The following CASD1 variants were observed in gnomAD, a reference collection of about 807,000 sequenced individuals.
CASD1 encodes CAS1 domain sialic acid O acetyltransferase 1.
CASD1 carries 41 observed loss-of-function variants against 100.0 expected under a neutral mutation model. The observed-to-expected ratio is 0.41, with a 90% confidence interval of 0.32 to 0.53. CASD1 has a LOEUF of 0.53. Among genes scored for constraint, CASD1 ranks in the 20% least tolerant of loss-of-function variants. CASD1 has a pLI of 0.25. For missense variants in CASD1, 774 were observed against 948.7 expected, an observed-to-expected ratio of 0.82 and a Z score of 2.42; for synonymous variants, 321 against 315.6, an observed-to-expected ratio of 1.02 and a Z score of -0.18.
chr7:94,619,515 A>G, the CASD1 span: 2 of 152,316 alleles, frequency 1.3e-5, no homozygotes, highest in African/African-American at 2.4e-5. Flanking sequence ...ATCTTAAAAC[A>G]ACCCCATGTC....
chr7:94,537,590 C>T lies in CASD1; in HGVS notation c.962C>T (p.Thr321Ile), dbSNP rs1163815408. 1 of 1,613,788 alleles carries T rather than the reference C, an allele frequency of 6.2e-7. No individual in the cohort carries two copies. Among genetic ancestry groups the T allele is most frequent in the South Asian group, 1.1e-5 (1 of 91,068 alleles). The change falls in exon 9 of 18, where the codon ACT (threonine) becomes ATT (isoleucine). Residue 321 changes from threonine (T) to isoleucine (I), a missense_variant. Thr to Ile is a moderately conservative substitution (Grantham distance 89). Around this residue, in one of 5 missense-constraint regions of CASD1, gnomAD observed 453 missense variants for 532.6 expected, o/e 0.85. Transcript: ENST00000297273. ...LIQKLAACFFTLSIIGYLIFY... is the reference protein window; with the variant it reads ...LIQKLAACFFILSIIGYLIFY... ...CAGAAGCTAGCTGCTTGTTTTTTCA[C>T]TTTATCTATTATCGGATATTTAATT... is the stretch of plus-strand genomic sequence containing the variant.
At chr7:94,526,220 C>CT (rs1794557988) in intron 3 of CASD1, among the ~76,000 whole-genome samples, 1 of 152,174 alleles carries the variant, frequency 6.6e-6, no homozygotes, top group Non-Finnish European at 1.5e-5. Context: ...GTTGCATGTC[C>CT]TAGGTGGGCT....
chr7:94,587,741 G>A, the CASD1 span: 2 of 1,533,562 alleles, frequency 1.3e-6, no homozygotes, highest in South Asian at 1.3e-5. Flanking sequence ...TAAACATCTT[G>A]TAATTGAAAT....
intron 11 of CASD1, among the ~76,000 whole-genome samples, chr7:94,545,164 A>G (rs1795614021): frequency 6.6e-6 from 1 of 152,110 alleles, no homozygotes; most frequent in South Asian, 2.1e-4. Flanking sequence ...TTAATCCCAA[A>G]TGGGGTAAGT....
intron 3 of CASD1, among the ~76,000 whole-genome samples, chr7:94,520,264 C>T (rs183428076): frequency 1.5e-4 from 23 of 152,046 alleles, no homozygotes; most frequent in African/African-American, 5.1e-4. Context: ...ATTTCTTGTC[C>T]CTAGCATAAT....
At chr7:94,580,140 C>A in the CASD1 span, among the ~76,000 whole-genome samples, 556 of 152,338 alleles carry the variant, frequency 3.6e-3, 10 homozygotes, top group African/African-American at 0.013. Context: ...CACACCCATT[C>A]TGCCCAACTG....
At chr7:94,514,890 G>A (rs1793896038) in intron 1 of CASD1, among the ~76,000 whole-genome samples, 2 of 152,072 alleles carry the variant, frequency 1.3e-5, no homozygotes, top group South Asian at 2.1e-4. Context: ...AATAACAACC[G>A]AAGTTTTGTT....
chr7:94,574,658 T>G, the CASD1 span, among the ~76,000 whole-genome samples: 4 of 151,442 alleles, frequency 2.6e-5, no homozygotes, highest in African/African-American at 9.7e-5. Context: ...TCTATCTTAA[T>G]GATTTTTTTC....
At chr7:94,627,947 A>T in the CASD1 span, 1 of 419,470 alleles carries the variant, frequency 2.4e-6, no homozygotes, top group Non-Finnish European at 4.3e-6. Context: ...ATATTATAAT[A>T]ATCTCTTTTA....
In CASD1 at chr7:94,544,435, C is replaced by G; in HGVS notation, c.1381C>G (p.Arg461Gly). Residue 461 changes from arginine to glycine, a missense_variant, in exon 11 of 18, where the codon CGA becomes GGA. Coordinates refer to ENST00000297273, the MANE Select transcript of CASD1 (RefSeq NM_022900.5). ...STFLPVYMHI[R>G]VLVAAYLFQT... is the part of the protein sequence containing the mutation. The stretch of plus-strand genomic sequence containing the variant: ...GTTTTTGCCTGTATACATGCACATT[C>G]GAGTTCTGGTTGCTGCATATTTATT... The G allele has an allele frequency of 6.2e-7, 1 of 1,613,112 alleles. No individual in the cohort carries two copies. The highest frequency in any genetic ancestry group is 8.5e-7 in the Non-Finnish European group (1 of 1,179,466).
At chr7:94,599,552 AT>A in the CASD1 span, 1 of 712,726 alleles carries the variant, frequency 1.4e-6, no homozygotes, top group Non-Finnish European at 2.5e-6. Context: ...AAATATCTCT[AT>A]TTAGAAAGCA....
chr7:94,554,681 G>A (rs10280843), intron 17 of CASD1, 106 bp downstream of exon 17: 287,791 of 612,304 alleles, frequency 0.47, 69,586 homozygotes, highest in South Asian at 0.51. Context: ...TATGAAAATC[G>A]GACGTACTTT....
At chr7:94,593,109 A>G in the CASD1 span, among the ~76,000 whole-genome samples, 234 of 152,232 alleles carry the variant, frequency 1.5e-3, 1 homozygote, top group African/African-American at 5.3e-3. Flanking sequence ...TGTCATTGTG[A>G]CCAAAAGCAG....
the CASD1 span, among the ~76,000 whole-genome samples, chr7:94,586,060 T>TAA: frequency 1.7e-4 from 1 of 5,940 alleles, no homozygotes; most frequent in East Asian, 2.8e-3. Context: ...AGGAACTAAA[T>TAA]GAAAAAAAAA....
At chr7:94,630,159 A>G in the CASD1 span, among the ~76,000 whole-genome samples, 1 of 151,936 alleles carries the variant, frequency 6.6e-6, no homozygotes, top group African/African-American at 2.4e-5. Context: ...ATTTCTTTTT[A>G]CTTGAAGTTA....
the CASD1 span, chr7:94,618,643 C>A: frequency 2.3e-5 from 19 of 811,600 alleles, 1 homozygote; most frequent in African/African-American, 2.6e-4. Context: ...TTTACAATAT[C>A]TATTTCTTAT....
At chr7:94,525,556 A>G (rs1794521737) in intron 3 of CASD1, among the ~76,000 whole-genome samples, 2 of 152,190 alleles carry the variant, frequency 1.3e-5, no homozygotes, top group Admixed American at 1.3e-4. Context: ...AAAAGAAGAA[A>G]GAGATCGAGT....
At chr7:94,614,252 G>T in the CASD1 span, among the ~76,000 whole-genome samples, 3 of 151,620 alleles carry the variant, frequency 2.0e-5, no homozygotes, top group Admixed American at 6.6e-5. Flanking sequence ...TGTTCCTCTT[G>T]TTCATGTATC....
the CASD1 span, among the ~76,000 whole-genome samples, chr7:94,565,566 T>C: frequency 4.2e-3 from 639 of 152,152 alleles, 1 homozygote; most frequent in African/African-American, 0.015. Flanking sequence ...CCCAAAACCT[T>C]CAAATGCCTC....
Sources: allele counts gnomAD v4.1 joint callset (sites outside exome capture counted in the v4.1 genomes callset), GRCh38; gene constraint gnomAD v4.1.1; regional missense constraint gnomAD v4.1.1; transcripts MANE v1.5; gene names NCBI Gene and HGNC (gene_info 2026-07-23, HGNC 2026-07-21).